SCFD2: variants seen among roughly 807,000 people sequenced by gnomAD.
SCFD2 encodes sec1 family domain-containing protein 2.
In SCFD2, 54 loss-of-function variants were observed where a neutral mutation model predicts 58.9. The ratio of observed to expected loss-of-function variants is 0.92; its 90% CI spans 0.74 to 1.15. The LOEUF (loss-of-function observed/expected upper bound fraction) is 1.15, where lower values mean the gene tolerates loss of function less well. Ranked by LOEUF, SCFD2 falls within the 50% of genes most tolerant of loss-of-function variation. The pLI is 0.00. For missense variants in SCFD2, 805 were observed against 836.6 expected (o/e 0.96, Z 0.47); for synonymous variants, 321 against 335.9 (o/e 0.96, Z 0.49).
At chr4:52,918,173 G>A (rs1050100725) in intron 6 of SCFD2, among the ~76,000 whole-genome samples, 1 of 152,132 alleles carries the variant, frequency 6.6e-6, no homozygotes, top group African/African-American at 2.4e-5. Context: ...CAGGGCTGAG[G>A]ACCAAATTGG....
At chr4:53,051,903 T>C (rs7676982) in intron 5 of SCFD2, among the ~76,000 whole-genome samples, 49,956 of 152,004 alleles carry the variant, frequency 0.33, 9,599 homozygotes, top group Non-Finnish European at 0.41. Flanking sequence ...TCTGAACATA[T>C]TAAAAAATGA....
intron 1 of SCFD2, among the ~76,000 whole-genome samples, chr4:53,358,818 T>G (rs1419522331): frequency 6.6e-6 from 1 of 152,238 alleles, no homozygotes; most frequent in African/African-American, 2.4e-5. Flanking sequence ...GAATGCTGAC[T>G]TAAATCCTCT....
chr4:53,055,032 A>G (rs1248033534), intron 5 of SCFD2, among the ~76,000 whole-genome samples: 1 of 152,150 alleles, frequency 6.6e-6, no homozygotes, highest in Non-Finnish European at 1.5e-5. Flanking sequence ...TGTGTTTGTG[A>G]GTTGTAAGGC....
chr4:53,237,887 C>T (rs1318805272), intron 4 of SCFD2, among the ~76,000 whole-genome samples: 1 of 62,474 alleles, frequency 1.6e-5, no homozygotes. Flanking sequence ...CCTGACGGGG[C>T]GGCTGGCCTG....
intron 5 of SCFD2, among the ~76,000 whole-genome samples, chr4:53,062,816 T>C (rs986029346): frequency 7.2e-5 from 11 of 152,114 alleles, no homozygotes; most frequent in Non-Finnish European, 1.3e-4. Context: ...TGAGAGGAGA[T>C]GCAAATCACA....
chr4:53,347,035 G>A (rs1371653918), intron 2 of SCFD2, among the ~76,000 whole-genome samples: 6 of 152,132 alleles, frequency 3.9e-5, no homozygotes, highest in Admixed American at 3.9e-4. Flanking sequence ...ACTTCTCACT[G>A]TGTCTCCAGT....
At chr4:52,915,583 T>TCATC (rs759228668) in intron 6 of SCFD2, among the ~76,000 whole-genome samples, 2 of 152,166 alleles carry the variant, frequency 1.3e-5, no homozygotes, top group Non-Finnish European at 1.5e-5. Context: ...GTCTGTCTGT[T>TCATC]CATCCATCCA....
intron 4 of SCFD2, among the ~76,000 whole-genome samples, chr4:53,200,622 G>A (rs889466959): frequency 2.0e-5 from 3 of 152,174 alleles, no homozygotes; most frequent in South Asian, 4.1e-4. Flanking sequence ...TAGGACAAGC[G>A]CTTGTCTCGT....
chr4:52,986,867 G>A (rs1437593419), intron 5 of SCFD2, among the ~76,000 whole-genome samples: 1 of 151,982 alleles, frequency 6.6e-6, no homozygotes, highest in South Asian at 2.1e-4. Context: ...CAGTAGTTGT[G>A]GTAAATGAGG....
At chr4:53,301,674 T>C (rs1024993873) in intron 3 of SCFD2, among the ~76,000 whole-genome samples, 54 of 152,206 alleles carry the variant, frequency 3.5e-4, no homozygotes, top group Admixed American at 1.4e-3. Context: ...ACCAATATCA[T>C]TGATGAACAT....
intron 3 of SCFD2, among the ~76,000 whole-genome samples, chr4:53,290,110 C>G (rs1259519526): frequency 2.6e-5 from 4 of 152,164 alleles, no homozygotes; most frequent in Non-Finnish European, 5.9e-5. Context: ...TTGAACCACT[C>G]TTTAGATCAA....
intron 5 of SCFD2, among the ~76,000 whole-genome samples, chr4:53,097,775 G>C (rs1724701576): frequency 6.6e-6 from 1 of 152,164 alleles, no homozygotes; most frequent in South Asian, 2.1e-4. Flanking sequence ...GGTGAGAGAG[G>C]GCATCCCTGT....
At chr4:53,197,749 A>C (rs1194102905) in intron 4 of SCFD2, among the ~76,000 whole-genome samples, 2 of 27,394 alleles carry the variant, frequency 7.3e-5, no homozygotes, top group Non-Finnish European at 2.6e-4. Context: ...GAAGATGGCA[A>C]AAAAAAAAAA....
At chr4:53,332,018 C>A (rs1230540655) in intron 2 of SCFD2, among the ~76,000 whole-genome samples, 11 of 151,804 alleles carry the variant, frequency 7.2e-5, no homozygotes, top group East Asian at 1.9e-4. Flanking sequence ...AAATTCCTTG[C>A]CACATACACT....
chr4:53,095,420 T>C (rs905531703), intron 5 of SCFD2, among the ~76,000 whole-genome samples: 40 of 152,160 alleles, frequency 2.6e-4, no homozygotes, highest in African/African-American at 9.2e-4. Flanking sequence ...GCTATATATA[T>C]ATATAATCTG....
chr4:53,161,888 A>C (rs1457472677), intron 4 of SCFD2, among the ~76,000 whole-genome samples: 1 of 152,190 alleles, frequency 6.6e-6, no homozygotes, highest in East Asian at 1.9e-4. Flanking sequence ...AAATGCAACT[A>C]TCCGTGACCT....
chr4:53,038,095 C>A (rs1469321283), intron 5 of SCFD2, among the ~76,000 whole-genome samples: 1 of 152,098 alleles, frequency 6.6e-6, no homozygotes, highest in African/African-American at 2.4e-5. Flanking sequence ...AAGTGTAATA[C>A]TTTTTGAATA....
At chr4:53,136,566 CATA>C (rs1451527387) in intron 5 of SCFD2, among the ~76,000 whole-genome samples, 1 of 152,162 alleles carries the variant, frequency 6.6e-6, no homozygotes, top group African/African-American at 2.4e-5. Context: ...GACACAATAC[CATA>C]TTGTCTGTCC....
chr4:53,162,090 T>C (rs961163824), intron 4 of SCFD2, among the ~76,000 whole-genome samples: 1 of 152,170 alleles, frequency 6.6e-6, no homozygotes, highest in Non-Finnish European at 1.5e-5. Context: ...CTGCCCCTAA[T>C]TACAAATTAC....
Sources: allele counts gnomAD v4.1 joint callset (sites outside exome capture counted in the v4.1 genomes callset), GRCh38; gene constraint gnomAD v4.1.1; transcripts MANE v1.5; gene names NCBI Gene and HGNC (gene_info 2026-07-23, HGNC 2026-07-21).